RPTOR: variants seen among roughly 807,000 people sequenced by gnomAD.
RPTOR encodes regulatory-associated protein of mTOR.
In RPTOR, 21 loss-of-function variants were observed where a neutral mutation model predicts 169.9. The ratio of observed to expected loss-of-function variants is 0.12; its 90% CI spans 0.09 to 0.18. The LOEUF is 0.18. RPTOR is among the 10% of genes least tolerant of loss of function. RPTOR has a pLI of 1.00. For synonymous variants in RPTOR, 732 were observed against 753.2 expected, an observed-to-expected ratio of 0.97 and a Z score of 0.46; for missense variants, 1,133 against 1,855.9, an observed-to-expected ratio of 0.61 and a Z score of 7.16.
In RPTOR at chr17:80,914,127, G is replaced by A. The variant is rs551116742; in HGVS notation, c.2520+5198G>A. Among the ~76,000 whole-genome samples the A allele has an allele frequency of 2.0e-5, 3 of 152,378 alleles. No homozygotes were observed. The East Asian group carries it at 5.8e-4, about 29-fold the overall frequency. ...TTAACGAAAGGTCAAATTGATGGCA[G>A]TGGCAGCCAGTCTGGGAGCGGCCAC... On this transcript the variant is annotated intron_variant, in intron 21 of 33. Coordinates refer to ENST00000306801, the MANE Select transcript of RPTOR (RefSeq NM_020761.3).
intron 18 of RPTOR, among the ~76,000 whole-genome samples, chr17:80,892,332 T>C (rs1461324896): frequency 6.6e-6 from 1 of 152,110 alleles, no homozygotes; most frequent in Non-Finnish European, 1.5e-5. Context: ...CAGTGAGGCC[T>C]CACTGCTTCT....
rs563676192 is a variant in RPTOR at position 80,777,983 on chromosome 17, G to A, written c.831-13467G>A. On this transcript the variant is annotated intron_variant, in intron 6 of 33. Coordinates refer to ENST00000306801, the MANE Select transcript of RPTOR (RefSeq NM_020761.3). ...TGTGTAGCGAGCATCCGTGGCTGGG[G>A]TTAAAGTGTTATTTCATTATGCAGT... Among the ~76,000 whole-genome samples, 3 of 152,302 alleles carry A rather than the reference G, an allele frequency of 2.0e-5. No homozygotes were observed. The South Asian group carries it at 6.2e-4, about 32-fold the overall frequency.
intron 11 of RPTOR, among the ~76,000 whole-genome samples, chr17:80,847,029 G>A (rs542510466): frequency 3.9e-5 from 6 of 152,256 alleles, no homozygotes; most frequent in Non-Finnish European, 7.3e-5. Flanking sequence ...GGGAGAGGAG[G>A]GAGGAGGCTC....
intron 20 of RPTOR, among the ~76,000 whole-genome samples, chr17:80,901,209 C>T (rs1366405016): frequency 6.6e-6 from 1 of 150,620 alleles, no homozygotes; most frequent in Non-Finnish European, 1.5e-5. Context: ...GGCGAAGAAT[C>T]GCAGTTTCAT....
At chr17:80,641,118 A>G (rs1451185347) in intron 2 of RPTOR, among the ~76,000 whole-genome samples, 2 of 152,142 alleles carry the variant, frequency 1.3e-5, no homozygotes, top group Middle Eastern at 3.2e-3. Context: ...ATCCAATCCT[A>G]TCTTGTGGGT....
At chr17:80,684,287 A>C (rs1340884584) in intron 3 of RPTOR, among the ~76,000 whole-genome samples, 2 of 151,994 alleles carry the variant, frequency 1.3e-5, no homozygotes, top group East Asian at 3.9e-4. Context: ...TCTGCAAGTC[A>C]AAACTGTATA....
intron 6 of RPTOR, among the ~76,000 whole-genome samples, chr17:80,763,109 G>T (rs866727475): frequency 2.6e-5 from 4 of 152,210 alleles, no homozygotes; most frequent in African/African-American, 9.6e-5. Flanking sequence ...AGCTGGACAT[G>T]GTGGCTTATG....
chr17:80,759,471 T>A (rs769785043), intron 6 of RPTOR, among the ~76,000 whole-genome samples: 5 of 152,166 alleles, frequency 3.3e-5, no homozygotes, highest in African/African-American at 1.2e-4. Context: ...GGTCATCAGA[T>A]AACCACTGCC....
At chr17:80,760,115 G>A (rs761258006) in intron 6 of RPTOR, among the ~76,000 whole-genome samples, 1 of 152,042 alleles carries the variant, frequency 6.6e-6, no homozygotes, top group Non-Finnish European at 1.5e-5. Flanking sequence ...AGGAGTATGC[G>A]GGTGGGAAGG....
intron 21 of RPTOR, among the ~76,000 whole-genome samples, chr17:80,912,311 C>A (rs1438061025): frequency 5.9e-5 from 9 of 152,170 alleles, no homozygotes; most frequent in Admixed American, 5.9e-4. Flanking sequence ...TCTGTCCTGA[C>A]TGCACAGTTG....
intron 7 of RPTOR, among the ~76,000 whole-genome samples, chr17:80,809,865 C>T (rs141414284): frequency 4.7e-4 from 72 of 152,088 alleles, no homozygotes; most frequent in Admixed American, 1.1e-3. Flanking sequence ...GGTGAAAGCC[C>T]GTCTCTAATA....
chr17:80,929,561 A>G (rs2068850314), intron 24 of RPTOR, among the ~76,000 whole-genome samples: 1 of 152,260 alleles, frequency 6.6e-6, no homozygotes, highest in South Asian at 2.1e-4. Flanking sequence ...TTAAAGCTAC[A>G]GTGGGGATTT....
intron 24 of RPTOR, among the ~76,000 whole-genome samples, chr17:80,931,113 C>T (rs2068891888): frequency 6.6e-6 from 1 of 152,152 alleles, no homozygotes; most frequent in Non-Finnish European, 1.5e-5. Flanking sequence ...CGGCCTCAAG[C>T]GTATGGGAAA....
intron 9 of RPTOR, among the ~76,000 whole-genome samples, chr17:80,834,261 G>A (rs1427693180): frequency 3.9e-5 from 6 of 152,202 alleles, no homozygotes; most frequent in Admixed American, 2.6e-4. Flanking sequence ...GGGTTCCAGC[G>A]CTTGTCTTTC....
chr17:80,831,589 G>A (rs764033648), intron 9 of RPTOR, among the ~76,000 whole-genome samples: 27 of 152,162 alleles, frequency 1.8e-4, no homozygotes, highest in Non-Finnish European at 3.5e-4. Flanking sequence ...ACTGTCCATC[G>A]GAATCCCGCC....
At chr17:80,786,209 T>C (rs1323238553) in intron 6 of RPTOR, among the ~76,000 whole-genome samples, 1 of 152,234 alleles carries the variant, frequency 6.6e-6, no homozygotes, top group African/African-American at 2.4e-5. Flanking sequence ...CGCCATTTGC[T>C]TTTATTCTAA....
At position 80,964,387 on chromosome 17, in the gene RPTOR, A is replaced by G; in HGVS notation, c.*57A>G. ...GCCTGCTGTACATAGTGAAGCTGTC[A>G]CTCGCCGGGGCACGGGGCGTCGGCT... On this transcript the variant is annotated 3_prime_UTR_variant, in exon 34 of 34. Transcript: ENST00000306801. The G allele has an allele frequency of 6.4e-7, 1 of 1,565,316 alleles. No homozygotes were observed. The highest frequency in any genetic ancestry group is 8.7e-7 in the Non-Finnish European group (1 of 1,149,280).
chr17:80,637,224 C>G (rs966672996), intron 2 of RPTOR, among the ~76,000 whole-genome samples: 2 of 152,202 alleles, frequency 1.3e-5, no homozygotes, highest in African/African-American at 4.8e-5. Context: ...GGAGAGCAGA[C>G]GTCATGTCTG....
rs148287616 is a variant in RPTOR, at chr17:80,908,979, C to T, written c.2520+50C>T. 4.3e-4 allele frequency: 564 copies of T among 1,316,076 alleles called. No individual in the cohort carries two copies. The African/African-American group carries it at 7.1e-3, about 16-fold the overall frequency. 81.5% of individuals were successfully genotyped at this position (1,316,076 alleles called of 1,614,324 possible). A position where few individuals can be genotyped will look rare whatever the true frequency, so the allele number is the denominator to read the frequency against. ...CGCTCCAGCTGCTGGTTCTCGGTTA[C>T]GAGTATGCATGCCAGGAACTCCAGG... On this transcript the variant is annotated intron_variant, in intron 21 of 33. Transcript: ENST00000306801.
Sources: allele counts gnomAD v4.1 joint callset (sites outside exome capture counted in the v4.1 genomes callset), GRCh38; gene constraint gnomAD v4.1.1; transcripts MANE v1.5; gene names NCBI Gene and HGNC (gene_info 2026-07-23, HGNC 2026-07-21).